Variants in PTPRK observed in about 807,000 individuals in gnomAD.
PTPRK encodes receptor-type tyrosine-protein phosphatase kappa.
PTPRK carries 75 observed loss-of-function variants against 178.0 expected under a neutral mutation model. The observed-to-expected ratio is 0.42, with a 90% CI of 0.35 to 0.51. The LOEUF (loss-of-function observed/expected upper bound fraction) is 0.51, where lower values mean the gene tolerates loss of function less well. Among genes scored for constraint, PTPRK ranks in the 20% least tolerant of loss-of-function variants. PTPRK has a pLI of 0.02. For missense variants in PTPRK, 1,441 were observed against 1,797.8 expected (o/e 0.80, Z 3.59); for synonymous variants, 637 against 620.6 (o/e 1.03, Z -0.39).
chr6:128,172,059 A>G (rs1800343032), intron 7 of PTPRK, among the ~76,000 whole-genome samples: 1 of 152,012 alleles, frequency 6.6e-6, no homozygotes, highest in South Asian at 2.1e-4. Context: ...AGCTTTAAAA[A>G]TGGGCTTACT....
chr6:128,192,767 G>A (rs903901402), intron 6 of PTPRK, among the ~76,000 whole-genome samples: 1 of 150,300 alleles, frequency 6.7e-6, no homozygotes, highest in Non-Finnish European at 1.5e-5. Flanking sequence ...TAGTGAACCA[G>A]GATCACGCTA....
chr6:128,351,017 T>C (rs1418043987), intron 2 of PTPRK, among the ~76,000 whole-genome samples: 1 of 152,182 alleles, frequency 6.6e-6, no homozygotes, highest in Non-Finnish European at 1.5e-5. Flanking sequence ...TGATGAATCA[T>C]AAAAGTGAGG....
chr6:128,287,360 G>C (rs904175294), intron 3 of PTPRK, among the ~76,000 whole-genome samples: 6 of 152,274 alleles, frequency 3.9e-5, no homozygotes, highest in Non-Finnish European at 5.9e-5. Flanking sequence ...CTTTCTAACA[G>C]AGCTGAATCC....
rs1843480919 is a variant in PTPRK, at chr6:128,421,518, G to A, written c.101-23830C>T. ...GGTAATACTCCTCTGACAAAGATTCGAAACTCGTTGAATATAAGAACAGGA... is the reference window on the plus strand; with the variant it reads ...GGTAATACTCCTCTGACAAAGATTCAAAACTCGTTGAATATAAGAACAGGA... On this transcript the variant is annotated intron_variant, in intron 1 of 29. Transcript: ENST00000368226. 2.6e-5 allele frequency among the ~76,000 whole-genome samples: 4 copies of A among 152,054 alleles called. No homozygotes were observed. In the South Asian group the frequency reaches 8.3e-4, roughly 32 times the overall value.
chr6:128,177,611 T>A (rs757681589), intron 7 of PTPRK, among the ~76,000 whole-genome samples: 10 of 151,806 alleles, frequency 6.6e-5, no homozygotes, highest in African/African-American at 9.7e-5. Context: ...TAAAGTTAAT[T>A]ACACTGCTAC....
chr6:128,131,467 T>C (rs1794232235), intron 7 of PTPRK, among the ~76,000 whole-genome samples: 1 of 152,136 alleles, frequency 6.6e-6, no homozygotes, highest in Non-Finnish European at 1.5e-5. Flanking sequence ...GGCAGGTGCA[T>C]ATTTGGAAAC....
chr6:128,238,781 C>A (rs76623162), intron 5 of PTPRK, among the ~76,000 whole-genome samples: 376 of 152,024 alleles, frequency 2.5e-3, no homozygotes, highest in African/African-American at 8.6e-3. Context: ...ACCATAATCA[C>A]AGAAAAAAGG....
At chr6:128,383,873 A>C (rs1319060644) in intron 2 of PTPRK, among the ~76,000 whole-genome samples, 4 of 152,334 alleles carry the variant, frequency 2.6e-5, no homozygotes, top group African/African-American at 9.6e-5. Context: ...CATTCAGAAA[A>C]AATATTTTGA....
At chr6:128,256,732 G>A (rs944062846) in intron 3 of PTPRK, among the ~76,000 whole-genome samples, 4 of 151,808 alleles carry the variant, frequency 2.6e-5, no homozygotes, top group African/African-American at 4.8e-5. Context: ...AACCATGCCC[G>A]GCTGTAGGCA....
At chr6:128,169,960 T>G (rs894422587) in intron 7 of PTPRK, among the ~76,000 whole-genome samples, 2 of 152,052 alleles carry the variant, frequency 1.3e-5, no homozygotes, top group East Asian at 1.9e-4. Context: ...GGTGACAAAA[T>G]AAATGTTGAA....
chr6:128,154,513 A>AT (rs1797705696), intron 7 of PTPRK, among the ~76,000 whole-genome samples: 1 of 151,728 alleles, frequency 6.6e-6, no homozygotes, highest in Non-Finnish European at 1.5e-5. Context: ...TATCTTTGTA[A>AT]ACAACAACAA....
At chr6:128,416,149 A>G (rs948824385) in intron 1 of PTPRK, among the ~76,000 whole-genome samples, 1 of 152,168 alleles carries the variant, frequency 6.6e-6, no homozygotes, top group Non-Finnish European at 1.5e-5. Context: ...AATAGGATAC[A>G]TGGTTAATAA....
At chr6:128,350,708 C>T (rs113795133) in intron 2 of PTPRK, among the ~76,000 whole-genome samples, 2,115 of 152,286 alleles carry the variant, frequency 0.014, 50 homozygotes, top group African/African-American at 0.048. Flanking sequence ...TGGGCCTATA[C>T]GTCCATGAGG....
At chr6:128,314,272 C>T (rs970873328) in intron 3 of PTPRK, among the ~76,000 whole-genome samples, 1 of 152,098 alleles carries the variant, frequency 6.6e-6, no homozygotes, top group Non-Finnish European at 1.5e-5. Flanking sequence ...GATTTTCTCC[C>T]CCACTGGCTC....
chr6:128,368,758 T>G (rs1364429776), intron 2 of PTPRK, among the ~76,000 whole-genome samples: 1 of 152,162 alleles, frequency 6.6e-6, no homozygotes, highest in Non-Finnish European at 1.5e-5. Context: ...TAAGTTTCCA[T>G]GTCTGTAAAG....
chr6:128,005,526 A>T (rs1778314922), intron 14 of PTPRK, among the ~76,000 whole-genome samples: 2 of 150,790 alleles, frequency 1.3e-5, no homozygotes, highest in African/African-American at 4.9e-5. Flanking sequence ...ATATAATTAT[A>T]TTTATTAAAA....
At chr6:128,311,405 G>C (rs1827226716) in intron 3 of PTPRK, among the ~76,000 whole-genome samples, 1 of 152,116 alleles carries the variant, frequency 6.6e-6, no homozygotes, top group South Asian at 2.1e-4. Flanking sequence ...AGTGGTCCAA[G>C]CACCGAGGAG....
intron 7 of PTPRK, among the ~76,000 whole-genome samples, chr6:128,155,559 G>C (rs530302821): frequency 1.3e-4 from 20 of 151,484 alleles, no homozygotes; most frequent in Middle Eastern, 3.4e-3. Flanking sequence ...ATAATCTATA[G>C]ATTGGTGTAA....
chr6:128,041,461 C>A (rs1032758301), intron 13 of PTPRK, among the ~76,000 whole-genome samples: 2 of 152,046 alleles, frequency 1.3e-5, no homozygotes, highest in Admixed American at 6.6e-5. Context: ...TGCTCTATAA[C>A]ACTCTGCAAA....
Sources: gnomAD v4.1 joint callset for allele counts (sites outside exome capture counted in the v4.1 genomes callset) on GRCh38, gnomAD v4.1.1 for gene constraint, MANE v1.5 for transcripts, NCBI Gene and HGNC (gene_info 2026-07-23, HGNC 2026-07-21) for gene names.